The following PCDH11Y variants were observed in gnomAD, a reference collection of about 807,000 sequenced individuals.
PCDH11Y encodes protocadherin 11 Y-linked, also known as protocadherin-11 Y-linked.
For synonymous variants in PCDH11Y, 9 were observed against 83.6 expected (o/e 0.11, Z 4.87); for missense variants, 12 against 224.8 (o/e 0.05, Z 6.05).
At chrY:5,414,328 C>T in intron 2 of PCDH11Y, among the ~76,000 whole-genome samples, 1 of 27,636 alleles carries the variant, frequency 3.6e-5, no homozygotes, top group African/African-American at 1.4e-4. Context: ...TTCTTGATTT[C>T]TGCCTTAATT....
At chrY:5,426,493 G>A in intron 2 of PCDH11Y, among the ~76,000 whole-genome samples, 1 of 32,842 alleles carries the variant, frequency 3.0e-5, no homozygotes, top group Non-Finnish European at 7.5e-5. Context: ...ATAGCCTTTA[G>A]ATAACTTGTA....
At chrY:5,239,906 T>C in intron 2 of PCDH11Y, among the ~76,000 whole-genome samples, 2 of 33,244 alleles carry the variant, frequency 6.0e-5, no homozygotes, top group South Asian at 1.3e-3. Context: ...AAGAAGATCA[T>C]AGTAAAGTTT....
intron 2 of PCDH11Y, among the ~76,000 whole-genome samples, chrY:5,312,581 G>T (rs2053102804): frequency 3.7e-5 from 1 of 27,045 alleles, no homozygotes; most frequent in Non-Finnish European, 8.4e-5. Context: ...ATATATATAA[G>T]AAATATATAT....
chrY:5,654,312 A>C (rs369427378), intron 4 of PCDH11Y, among the ~76,000 whole-genome samples: 151 of 33,999 alleles, frequency 4.4e-3, no homozygotes, highest in African/African-American at 0.016. Flanking sequence ...CACTGTGGAA[A>C]GTAGTGTGGT....
intron 3 of PCDH11Y, among the ~76,000 whole-genome samples, chrY:5,538,186 C>T: frequency 6.0e-5 from 2 of 33,135 alleles, no homozygotes; most frequent in Admixed American, 5.5e-4. Flanking sequence ...CTGTCATTAT[C>T]AGCATAAAAA....
intron 2 of PCDH11Y, among the ~76,000 whole-genome samples, chrY:5,456,742 C>T: frequency 3.0e-5 from 1 of 33,611 alleles, no homozygotes. Flanking sequence ...CCAAATACTG[C>T]ATGTTCTCAC....
intron 2 of PCDH11Y, among the ~76,000 whole-genome samples, chrY:5,364,085 C>T: frequency 3.2e-5 from 1 of 30,895 alleles, no homozygotes; most frequent in Non-Finnish European, 7.7e-5. Flanking sequence ...TTGTGATCCA[C>T]CTGCCTCAGC....
At chrY:5,281,265 A>G (rs2053053647) in intron 2 of PCDH11Y, among the ~76,000 whole-genome samples, 1 of 31,727 alleles carries the variant, frequency 3.2e-5, no homozygotes, top group Non-Finnish European at 7.7e-5. Context: ...TCTTTTACCC[A>G]ACTAGAGTTA....
intron 2 of PCDH11Y, among the ~76,000 whole-genome samples, chrY:5,346,405 T>C: frequency 3.1e-4 from 10 of 32,747 alleles, no homozygotes; most frequent in Non-Finnish European, 2.2e-4. Flanking sequence ...AATTTTTGTA[T>C]TTTTAGTAGA....
chrY:5,121,985 G>C, intron 2 of PCDH11Y, among the ~76,000 whole-genome samples: 1 of 33,267 alleles, frequency 3.0e-5, no homozygotes, highest in Non-Finnish European at 7.4e-5. Flanking sequence ...GGCCATAGCT[G>C]GTATTGATAA....
At chrY:5,158,394 T>C in intron 2 of PCDH11Y, among the ~76,000 whole-genome samples, 1 of 22,907 alleles carries the variant, frequency 4.4e-5, no homozygotes, top group Non-Finnish European at 1.0e-4. Flanking sequence ...GGAATCCCAC[T>C]GTAGATATGT....
intron 4 of PCDH11Y, among the ~76,000 whole-genome samples, chrY:5,594,484 A>C (rs2053465566): frequency 9.5e-5 from 3 of 31,592 alleles, no homozygotes; most frequent in Admixed American, 2.8e-4. Flanking sequence ...CACACACCCC[A>C]CACACACACA....
At chrY:5,296,858 C>T in intron 2 of PCDH11Y, among the ~76,000 whole-genome samples, 1 of 31,101 alleles carries the variant, frequency 3.2e-5, no homozygotes, top group Non-Finnish European at 7.7e-5. Context: ...GTTGCTCTAC[C>T]CCACTGTGGC....
chrY:5,692,054 A>C, intron 4 of PCDH11Y, among the ~76,000 whole-genome samples: 1 of 33,506 alleles, frequency 3.0e-5, no homozygotes, highest in Non-Finnish European at 7.3e-5. Context: ...TGACAGAGTG[A>C]CACTCCATCT....
chrY:5,226,308 G>A, intron 2 of PCDH11Y, among the ~76,000 whole-genome samples: 1 of 32,051 alleles, frequency 3.1e-5, no homozygotes, highest in Admixed American at 2.9e-4. Context: ...AGCACGCCCA[G>A]CCCTGTTTGA....
At chrY:5,435,714 T>C in intron 2 of PCDH11Y, among the ~76,000 whole-genome samples, 2 of 33,300 alleles carry the variant, frequency 6.0e-5, no homozygotes, top group African/African-American at 2.4e-4. Context: ...AATTTATTCT[T>C]TAAGTTTAAG....
At chrY:5,035,204 G>A in intron 3 of PCDH11Y, among the ~76,000 whole-genome samples, 2 of 28,525 alleles carry the variant, frequency 7.0e-5, no homozygotes, top group African/African-American at 2.7e-4. Context: ...GTACTGGTTG[G>A]ATAGATAATA....
chrY:5,583,342 A>G (rs2053452430), intron 4 of PCDH11Y, among the ~76,000 whole-genome samples: 2 of 32,005 alleles, frequency 6.2e-5, no homozygotes, highest in Non-Finnish European at 1.5e-4. Context: ...TTTTTTGCTT[A>G]GGATAGCTTT....
At chrY:5,294,821 G>A (rs2053071715) in intron 2 of PCDH11Y, among the ~76,000 whole-genome samples, 1 of 32,776 alleles carries the variant, frequency 3.1e-5, no homozygotes, top group East Asian at 8.2e-4. Flanking sequence ...GTTTTTCTCT[G>A]TACTTACTAT....
Sources: allele counts gnomAD v4.1 joint callset (sites outside exome capture counted in the v4.1 genomes callset), GRCh38; gene constraint gnomAD v4.1.1; transcripts MANE v1.5; gene names NCBI Gene and HGNC (gene_info 2026-07-23, HGNC 2026-07-21).